BPIFC: variants seen among roughly 807,000 people sequenced by gnomAD.
BPIFC encodes the protein BPI fold containing family C.
A neutral mutation model predicts 57.6 loss-of-function variants in BPIFC; 60 were observed. That is an observed-to-expected ratio of 1.04 (90% CI 0.85 to 1.29). The LOEUF (loss-of-function observed/expected upper bound fraction) is 1.29. Among genes scored for constraint, BPIFC ranks in the 50% most tolerant of loss-of-function variants. The pLI is 0.00. For synonymous variants in BPIFC, 243 were observed against 224.5 expected (o/e 1.08, Z -0.74); for missense variants, 581 against 600.5 (o/e 0.97, Z 0.34).
rs771544919 is a variant in BPIFC at position 32,432,479 on chromosome 22, A to G, written c.1043T>C (p.Ile348Thr). Reference sequence around the variant, plus strand: ...GAAATTGCCTGGTTGTAGATTGATTATGGGAGGCTCTGTGGCCATGATCCT... The same window carrying G: ...GAAATTGCCTGGTTGTAGATTGATTGTGGGAGGCTCTGTGGCCATGATCCT... Reference protein sequence around the residue: ...MVRIMATEPPIINLQPGNFTL... With the variant: ...MVRIMATEPPTINLQPGNFTL... The change falls in exon 12 of 17, where the codon ATA becomes ACA. Residue 348 changes from isoleucine (I) to threonine (T), a missense_variant. Ile to Thr is a moderately conservative substitution (Grantham distance 89). Coordinates refer to ENST00000300399, the MANE Select transcript of BPIFC (RefSeq NM_174932.3). 9.3e-6 allele frequency: 15 copies of G among 1,614,036 alleles called. 1 individual carries two copies. In the South Asian group the frequency reaches 9.9e-5, roughly 11 times the overall value.
At position 32,456,462 on chromosome 22, in the gene BPIFC, T is replaced by G. The variant is rs148134964; in HGVS notation, c.124+801A>C. On this transcript the variant is annotated intron_variant, in intron 3 of 16. Transcript: ENST00000300399. The stretch of plus-strand genomic sequence containing the variant: ...TTCTTCCCTCCCTCCCTCCCTCCCT[T>G]CCCTCATTTATTTATTTTATTTTTT... 3.9e-3 allele frequency among the ~76,000 whole-genome samples: 522 copies of G among 134,866 alleles called. 6 individuals are homozygous for G. Among genetic ancestry groups the G allele is most frequent in the African/African-American group, 0.013 (487 of 37,070 alleles). 88.5% of individuals were successfully genotyped at this position (134,866 alleles called of 152,430 possible). A position where few individuals can be genotyped will look rare whatever the true frequency, so the allele number is the denominator to read the frequency against.
In BPIFC at chr22:32,457,544, TCCAA is replaced by T. The variant is rs1568961620; in HGVS notation, c.1-162_1-159del. ...ATTCATCCATCCATCCATCCATCCATCCAACCATCCATCCGTCCATCCATCCATC... is the reference window on the plus strand; with the variant it reads ...ATTCATCCATCCATCCATCCATCCATCCATCCATCCGTCCATCCATCCATC... On this transcript the variant is annotated intron_variant, in intron 2 of 16. Transcript: ENST00000300399. 1.3e-3 allele frequency among the ~76,000 whole-genome samples: 196 copies of T among 147,702 alleles called. 3 individuals carry two copies. In the South Asian group the frequency reaches 0.031, roughly 24 times the overall value.
intron 2 of BPIFC, 77 bp downstream of exon 2, chr22:32,461,497 G>T (rs767297731): frequency 5.3e-5 from 40 of 752,978 alleles, no homozygotes; most frequent in Non-Finnish European, 6.5e-5. Context: ...GTGGGATAAG[G>T]GGGTGTAAAG....
intron 14 of BPIFC, among the ~76,000 whole-genome samples, chr22:32,418,568 A>G (rs1933748854): frequency 6.6e-6 from 1 of 152,214 alleles, no homozygotes; most frequent in Non-Finnish European, 1.5e-5. Context: ...GAGAATCACT[A>G]GTTGAGAACC....
intron 10 of BPIFC, among the ~76,000 whole-genome samples, chr22:32,434,404 C>T (rs1934335777): frequency 6.8e-6 from 1 of 147,456 alleles, no homozygotes; most frequent in Non-Finnish European, 1.5e-5. Flanking sequence ...TCTATGTGTA[C>T]ATATTCTTTA....
intron 14 of BPIFC, 37 bp from the exon 15 acceptor site, chr22:32,417,185 C>A (rs774246595): frequency 4.6e-6 from 5 of 1,091,682 alleles, no homozygotes; most frequent in African/African-American, 1.9e-5. Flanking sequence ...ATTGGCAGAT[C>A]GGGCTTTTTT....
intron 13 of BPIFC, among the ~76,000 whole-genome samples, chr22:32,424,398 G>T (rs929041999): frequency 2.0e-5 from 3 of 151,770 alleles, no homozygotes; most frequent in Non-Finnish European, 2.9e-5. Context: ...AGTGCTGTGT[G>T]TTTTTTTCTA....
chr22:32,416,427 A>G (rs376110862), intron 15 of BPIFC, among the ~76,000 whole-genome samples: 2 of 152,074 alleles, frequency 1.3e-5, no homozygotes, highest in Admixed American at 6.6e-5. Context: ...CCCCGGTTCC[A>G]TGTTTGCATT....
chr22:32,435,940 C>T (rs752223900), intron 9 of BPIFC, 60 bp from the exon 10 acceptor site: 57 of 1,529,858 alleles, frequency 3.7e-5, no homozygotes, highest in Non-Finnish European at 4.4e-5. Context: ...TCTAAGAAGA[C>T]TAAGAAGATG....
chr22:32,419,044 CTA>C (rs1933761700), intron 14 of BPIFC, among the ~76,000 whole-genome samples: 1 of 152,106 alleles, frequency 6.6e-6, no homozygotes, highest in Non-Finnish European at 1.5e-5. Context: ...GTCTATAACT[CTA>C]GAGGATTATT....
intron 1 of BPIFC, among the ~76,000 whole-genome samples, chr22:32,463,820 C>T (rs1331613612): frequency 6.6e-6 from 1 of 152,194 alleles, no homozygotes; most frequent in Non-Finnish European, 1.5e-5. Flanking sequence ...TGACAAGGAC[C>T]TTGAGAATTC....
At chr22:32,455,010 C>T (rs1452738569) in intron 3 of BPIFC, among the ~76,000 whole-genome samples, 1 of 150,932 alleles carries the variant, frequency 6.6e-6, no homozygotes, top group African/African-American at 2.4e-5. Context: ...TTTTCCACAA[C>T]AATCCTATGG....
intron 2 of BPIFC, among the ~76,000 whole-genome samples, chr22:32,459,200 A>G (rs1382246545): frequency 6.6e-6 from 1 of 152,186 alleles, no homozygotes; most frequent in Non-Finnish European, 1.5e-5. Context: ...AAATCAAGGA[A>G]GGCCCAGGAA....
At chr22:32,444,535 T>C (rs1853553274) in intron 7 of BPIFC, among the ~76,000 whole-genome samples, 1 of 152,092 alleles carries the variant, frequency 6.6e-6, no homozygotes, top group African/African-American at 2.4e-5. Context: ...TCCCCCAAAA[T>C]ACAGGTAAAC....
At chr22:32,422,595 C>A (rs1476848488) in intron 13 of BPIFC, among the ~76,000 whole-genome samples, 1 of 151,932 alleles carries the variant, frequency 6.6e-6, no homozygotes, top group South Asian at 2.1e-4. Flanking sequence ...TAATCCCCAG[C>A]TACTCGGGAG....
Position 32,420,374 on chromosome 22 carries a change from T to C in BPIFC, c.1218-970A>G, listed in dbSNP as rs1397014354. ...TCTGGCTCTGAACTCAGCCTCAGCC[T>C]TGTAACTTCCCTGAGCCTTTATAAT... On this transcript the variant is annotated intron_variant, in intron 13 of 16. Transcript: ENST00000300399. 2.0e-5 allele frequency among the ~76,000 whole-genome samples: 3 copies of C among 151,688 alleles called. No homozygotes were observed. The East Asian group carries it at 5.8e-4, about 29-fold the overall frequency.
chr22:32,444,403 T>C (rs1568953923), intron 7 of BPIFC, among the ~76,000 whole-genome samples: 1 of 152,182 alleles, frequency 6.6e-6, no homozygotes, highest in Non-Finnish European at 1.5e-5. Flanking sequence ...TAAGCACCTA[T>C]AATGTCTGTC....
At chr22:32,440,824 C>T (rs995223543) in intron 8 of BPIFC, among the ~76,000 whole-genome samples, 17 of 152,102 alleles carry the variant, frequency 1.1e-4, no homozygotes, top group South Asian at 6.2e-4. Flanking sequence ...CACCCTAGGC[C>T]GGCCACCATC....
intron 9 of BPIFC, among the ~76,000 whole-genome samples, chr22:32,436,346 A>AGAGGAGGAG (rs1216074561): frequency 5.4e-5 from 5 of 92,770 alleles, no homozygotes; most frequent in East Asian, 3.6e-4. Context: ...AAGAAGAGGA[A>AGAGGAGGAG]GAGGAGGAGG....
Sources: allele counts gnomAD v4.1 joint callset (sites outside exome capture counted in the v4.1 genomes callset), GRCh38; gene constraint gnomAD v4.1.1; transcripts MANE v1.5; gene names NCBI Gene and HGNC (gene_info 2026-07-23, HGNC 2026-07-21).